The following LRRC36 variants were observed in gnomAD, a reference collection of about 807,000 sequenced individuals.
LRRC36 encodes leucine-rich repeat-containing protein 36.
LRRC36 carries 62 observed loss-of-function variants against 81.1 expected under a neutral mutation model. The ratio of observed to expected loss-of-function variants is 0.76; its 90% confidence interval spans 0.62 to 0.94. The LOEUF is 0.94. Ranked by LOEUF, LRRC36 falls within the 40% of genes least tolerant of loss-of-function variation. LRRC36 has a pLI of 0.00. For missense variants in LRRC36, 761 were observed against 881.7 expected (o/e 0.86, Z 1.73); for synonymous variants, 334 against 348.6 (o/e 0.96, Z 0.47).
At chr16:67,347,767 G>T (rs1189779813) in intron 4 of LRRC36, among the ~76,000 whole-genome samples, 176 bp downstream of exon 4, 1 of 152,170 alleles carries the variant, frequency 6.6e-6, no homozygotes, top group African/African-American at 2.4e-5. Flanking sequence ...TGATAATCTG[G>T]CCCTCAGTGG....
intron 9 of LRRC36, among the ~76,000 whole-genome samples, chr16:67,372,800 G>C (rs749090063): frequency 3.9e-5 from 6 of 152,168 alleles, no homozygotes; most frequent in Middle Eastern, 6.3e-3. Flanking sequence ...GTTTTCTACT[G>C]TTAAAGACTT....
At chr16:67,338,645 AT>A (rs2037874383) in intron 1 of LRRC36, among the ~76,000 whole-genome samples, 1 of 152,104 alleles carries the variant, frequency 6.6e-6, no homozygotes, top group Non-Finnish European at 1.5e-5. Context: ...CCCATGCATG[AT>A]TTTGTAACGT....
rs1285437176 is a variant in LRRC36 at position 67,347,347 on chromosome 16, A to G, written c.392-148A>G. The G allele has an allele frequency of 4.1e-6, 6 of 1,453,168 alleles. No homozygotes were observed. In the South Asian group the frequency reaches 7.8e-5, roughly 19 times the overall value. The allele number at this position is 1,453,168 out of a possible 1,614,324, so 90.0% of individuals were successfully genotyped here. A position where few individuals can be genotyped will look rare whatever the true frequency, so the allele number is the denominator to read the frequency against. On this transcript the variant is annotated intron_variant, in intron 3 of 13. Transcript: ENST00000329956. ...AGTTCCTGCCTGCTCCAGTGACAAC[A>G]TAATAGCATTATTTTGTGACCTGTC...
In LRRC36 at chr16:67,367,113, C is replaced by A; in HGVS notation, c.851C>A (p.Ser284Ter). ...GTATCTTTTTTGGACAATAAGTCTTCAGGTTCTTCTCCAGAAAAGGAATTG... is the reference window on the plus strand; with the variant it reads ...GTATCTTTTTTGGACAATAAGTCTTAAGGTTCTTCTCCAGAAAAGGAATTG... ...YQVSFLDNKS[S>*]GSSPEKELIP... Residue 284 changes from serine to a stop codon, truncating the protein, a stop_gained, in exon 8 of 14, where the codon TCA (serine) becomes TAA (stop). Transcript: ENST00000329956. LOFTEE classifies it high-confidence loss of function. 6.2e-7 allele frequency: 1 copy of A among 1,614,120 alleles called. No individual in the cohort carries two copies. The highest frequency in any genetic ancestry group is 8.5e-7 in the Non-Finnish European group (1 of 1,179,988).
Position 67,378,587 on chromosome 16 carries a change from A to G in LRRC36, c.1807-2A>G. On this transcript the variant is annotated splice_acceptor_variant, in intron 11 of 13. Coordinates refer to ENST00000329956, the MANE Select transcript of LRRC36 (RefSeq NM_018296.6). LOFTEE classifies it high-confidence loss of function. ...ATTTGTATTTTGTTTTCTAATCTAA[A>G]GGAAAGTTTGAAGCAAAAACTGGTC... 1 of 1,613,666 alleles carries G rather than the reference A, an allele frequency of 6.2e-7. No individual in the cohort carries two copies. Among genetic ancestry groups the G allele is most frequent in the Non-Finnish European group, 8.5e-7 (1 of 1,179,756 alleles).
intron 6 of LRRC36, 97 bp from the exon 7 acceptor site, chr16:67,365,206 TC>T: frequency 1.4e-6 from 1 of 696,962 alleles, no homozygotes; most frequent in South Asian, 1.8e-5. Flanking sequence ...GGATAGTCTT[TC>T]CCATTAATAG....
chr16:67,368,554 C>T (rs1016877022), intron 8 of LRRC36, among the ~76,000 whole-genome samples: 2 of 152,248 alleles, frequency 1.3e-5, no homozygotes, highest in Non-Finnish European at 2.9e-5. Flanking sequence ...GAGGCCAGTG[C>T]GGCCTCAGCA....
At chr16:67,382,037 C>T in intron 12 of LRRC36, 96 bp from the exon 13 acceptor site, 2 of 801,006 alleles carry the variant, frequency 2.5e-6, no homozygotes, top group East Asian at 5.0e-5. Context: ...GCCATGGGGC[C>T]CCCAGTTCTC....
rs747011640 is a variant in LRRC36 at position 67,378,670 on chromosome 16, G to T, written c.1888G>T (p.Ala630Ser). The T allele has an allele frequency of 1.9e-6, 3 of 1,613,974 alleles. No homozygotes were observed. In the East Asian group the frequency reaches 6.7e-5, roughly 36 times the overall value. ...AAAAATTCAACAGTTGGAGGAAGGT[G>T]CTGCCATCTCAATTGTGAGTGGGCA... ...SEKIQQLEEG[A>S]AISIVSGQQS... The change falls in exon 12 of 14, where the codon GCT becomes TCT. Residue 630 changes from alanine to serine, a missense_variant. Transcript: ENST00000329956.
chr16:67,350,079 T>C (rs2038548044), intron 4 of LRRC36, 123 bp from the exon 5 acceptor site: 4 of 591,482 alleles, frequency 6.8e-6, no homozygotes, highest in Non-Finnish European at 1.1e-5. Flanking sequence ...ATTAAATTAA[T>C]ATGTTCTAGA....
chr16:67,332,471 G>A (rs773853174), intron 1 of LRRC36, among the ~76,000 whole-genome samples: 36 of 151,988 alleles, frequency 2.4e-4, no homozygotes, highest in South Asian at 4.2e-4. Flanking sequence ...GGAGAATGGC[G>A]TGAACCTGGG....
Position 67,371,120 on chromosome 16 carries a change from G to A in LRRC36, c.1372G>A (p.Glu458Lys). The A allele has an allele frequency of 1.2e-6, 2 of 1,614,220 alleles. No individual in the cohort carries two copies. The highest frequency in any genetic ancestry group is 1.7e-6 in the Non-Finnish European group (2 of 1,180,042). Reference sequence around the variant, plus strand: ...ACTGCTGTTGTCTCCTGGGACTTCAGAACACAGAAAGATTTTTACCAAGAG... The same window carrying A: ...ACTGCTGTTGTCTCCTGGGACTTCAAAACACAGAAAGATTTTTACCAAGAG... ...RTLLLSPGTS[E>K]HRKIFTKRSL... Residue 458 changes from glutamate to lysine, a missense_variant, in exon 9 of 14, where the codon GAA (glutamate) becomes AAA (lysine). This residue lies in a region of LRRC36 where 359 missense variants were observed against 388.4 expected (regional missense o/e 0.92). Coordinates refer to ENST00000329956, the MANE Select transcript of LRRC36 (RefSeq NM_018296.6).
chr16:67,370,242 G>A (rs1214559097), intron 8 of LRRC36, among the ~76,000 whole-genome samples: 2 of 152,196 alleles, frequency 1.3e-5, no homozygotes, highest in African/African-American at 4.8e-5. Context: ...GGGAAATAAA[G>A]GAGGTTGGCA....
intron 13 of LRRC36, among the ~76,000 whole-genome samples, chr16:67,384,301 G>A (rs1334642732): frequency 6.6e-6 from 1 of 152,146 alleles, no homozygotes; most frequent in Non-Finnish European, 1.5e-5. Flanking sequence ...GAGTGTGGTG[G>A]TGCACACCTG....
intron 9 of LRRC36, among the ~76,000 whole-genome samples, chr16:67,374,443 T>G (rs892652024): frequency 2.0e-5 from 3 of 152,106 alleles, no homozygotes; most frequent in Non-Finnish European, 4.4e-5. Flanking sequence ...TGCCCAGGCT[T>G]GAGAGCAGTG....
At chr16:67,332,933 C>G (rs1282600980) in intron 1 of LRRC36, among the ~76,000 whole-genome samples, 1 of 151,062 alleles carries the variant, frequency 6.6e-6, no homozygotes, top group Non-Finnish European at 1.5e-5. Context: ...ATTCTGTTGC[C>G]CAAGCTGGAG....
chr16:67,357,063 C>T (rs142099314), intron 5 of LRRC36, among the ~76,000 whole-genome samples: 1 of 152,280 alleles, frequency 6.6e-6, no homozygotes, highest in Non-Finnish European at 1.5e-5. Context: ...TAATGAGGAC[C>T]TGTCCTCGGA....
rs537271608 is a variant in LRRC36 at position 67,364,320 on chromosome 16, A to G, written c.702+606A>G. On this transcript the variant is annotated intron_variant, in intron 6 of 13. Coordinates refer to ENST00000329956, the MANE Select transcript of LRRC36 (RefSeq NM_018296.6). ...AGACTTGTTTGTGTGAGTGAATATGATACAAGGAGCAGAACTGACTACTTT... is the reference window on the plus strand; with the variant it reads ...AGACTTGTTTGTGTGAGTGAATATGGTACAAGGAGCAGAACTGACTACTTT... Among the ~76,000 whole-genome samples, 6 of 152,338 alleles carry G rather than the reference A, an allele frequency of 3.9e-5. No individual in the cohort carries two copies. In the South Asian group the frequency reaches 1.2e-3, roughly 32 times the overall value.
chr16:67,374,640 C>T (rs545442111), intron 9 of LRRC36, among the ~76,000 whole-genome samples: 2 of 151,990 alleles, frequency 1.3e-5, no homozygotes, highest in African/African-American at 4.8e-5. Context: ...AAATGATCTG[C>T]CTGCCTCGGC....
Sources: allele counts gnomAD v4.1 joint callset (sites outside exome capture counted in the v4.1 genomes callset), GRCh38; gene constraint gnomAD v4.1.1; regional missense constraint gnomAD v4.1.1; transcripts MANE v1.5; gene names NCBI Gene and HGNC (gene_info 2026-07-23, HGNC 2026-07-21).